The following MYOM3 variants were observed in gnomAD, a reference collection of about 807,000 sequenced individuals.
MYOM3 encodes myomesin-3.
Under a neutral mutation model 191.7 loss-of-function variants are expected in MYOM3, and 155 were observed. The observed-to-expected ratio is 0.81, with a 90% CI of 0.71 to 0.92. The LOEUF (loss-of-function observed/expected upper bound fraction) is 0.92, where lower values mean the gene tolerates loss of function less well. MYOM3 is among the 40% of genes least tolerant of loss of function. The pLI is 0.00. For missense variants in MYOM3, 1,889 were observed against 1,890.6 expected (o/e 1.00, Z 0.02); for synonymous variants, 757 against 762.9 (o/e 0.99, Z 0.13).
At chr1:24,082,228 G>C (rs1368932338) in intron 17 of MYOM3, 40 bp from the exon 18 acceptor site, 1 of 1,534,646 alleles carries the variant, frequency 6.5e-7, no homozygotes, top group African/African-American at 1.4e-5. Context: ...TGCTCCCTAG[G>C]GGTGGCTGGA....
chr1:24,106,971 A>C (rs903078075), intron 4 of MYOM3, 102 bp downstream of exon 4: 4 of 1,206,432 alleles, frequency 3.3e-6, no homozygotes, highest in Non-Finnish European at 4.5e-6. Context: ...CAAAGCCTGG[A>C]CTCTGCCCTG....
chr1:24,092,108 C>G (rs1643846145), intron 11 of MYOM3, 66 bp downstream of exon 11: 4 of 1,362,844 alleles, frequency 2.9e-6, no homozygotes, highest in Non-Finnish European at 3.8e-6. Context: ...CTCCTCTTTG[C>G]TGTGGCTCCC....
chr1:24,068,042 A>C lies in MYOM3; in HGVS notation c.3296-13T>G. On this transcript the variant is annotated splice_polypyrimidine_tract_variant and intron_variant, in intron 26 of 36. Transcript: ENST00000374434. ...AGCTTGTCAAAATCTGTGAACACAG[A>C]GGGAGGAACTGGCATGAGCCGAGAG... 6.2e-7 allele frequency: 1 copy of C among 1,614,076 alleles called. No homozygotes were observed. Among genetic ancestry groups the C allele is most frequent in the Non-Finnish European group, 8.5e-7 (1 of 1,179,954 alleles).
intron 14 of MYOM3, among the ~76,000 whole-genome samples, chr1:24,089,327 C>T (rs747193552): frequency 7.2e-5 from 11 of 152,194 alleles, no homozygotes; most frequent in South Asian, 2.1e-4. Context: ...GCCTCAGGAA[C>T]GACCAGCAGT....
Position 24,097,980 on chromosome 1 carries a change from C to T in MYOM3, c.688G>A (p.Val230Met), listed in dbSNP as rs1466094858. 4 of 1,613,776 alleles carry T rather than the reference C, an allele frequency of 2.5e-6. No homozygotes were observed. Among genetic ancestry groups the T allele is most frequent in the African/African-American group, 2.7e-5 (2 of 74,906 alleles). ...CAIEDSATYT[V>M]RVKNAHGQAS... is the part of the protein sequence containing the mutation. ...TGGCCGTGGGCGTTCTTCACTCGCA[C>T]AGTGTAAGTTGCTGAGTCCTCAATG... is the stretch of plus-strand genomic sequence containing the variant. The change falls in exon 7 of 37, where the codon GTG becomes ATG. Residue 230 changes from valine (V) to methionine (M), a missense_variant. By Grantham distance (21) the Val-to-Met change is conservative. Coordinates refer to ENST00000374434, the MANE Select transcript of MYOM3 (RefSeq NM_152372.4).
At chr1:24,088,086 G>C (rs898084788) in intron 14 of MYOM3, among the ~76,000 whole-genome samples, 2 of 152,150 alleles carry the variant, frequency 1.3e-5, no homozygotes, top group Admixed American at 1.3e-4. Flanking sequence ...GACCCAGAAG[G>C]CAGCCAGAAA....
At chr1:24,106,741 G>A (rs1237697141) in intron 4 of MYOM3, among the ~76,000 whole-genome samples, 2 of 152,016 alleles carry the variant, frequency 1.3e-5, no homozygotes, top group Non-Finnish European at 2.9e-5. Flanking sequence ...GGTAATTTTT[G>A]TATTTTTAGT....
intron 18 of MYOM3, 139 bp from the exon 19 acceptor site, chr1:24,081,595 C>T (rs915960140): frequency 1.8e-5 from 18 of 1,015,418 alleles, no homozygotes; most frequent in Middle Eastern, 3.2e-4. Context: ...CATGGTCTCA[C>T]TTTGTCACCC....
At position 24,093,009 on chromosome 1, in the gene MYOM3, TAG is replaced by T; in HGVS notation, c.1026_1027del (p.Tyr343HisfsTer55). The T allele has an allele frequency of 6.2e-7, 1 of 1,612,934 alleles. No individual in the cohort carries two copies. Among genetic ancestry groups the T allele is most frequent in the Non-Finnish European group, 8.5e-7 (1 of 1,179,760 alleles). On this transcript the variant is annotated frameshift_variant, in exon 10 of 37. Transcript: ENST00000374434. LOFTEE classifies it high-confidence loss of function. ...GAAGGGCGAGGGCACCCGGACCATG[TAG>T]AGCCCCTCGTCCTCCTTGTAGGTGC...
intron 20 of MYOM3, among the ~76,000 whole-genome samples, chr1:24,077,497 C>T (rs368701857): frequency 1.1e-4 from 17 of 152,186 alleles, no homozygotes; most frequent in South Asian, 4.1e-4. Context: ...AATGCCGTCC[C>T]GCCTCCCTCC....
At chr1:24,065,411 T>A (rs1324231341) in intron 29 of MYOM3, among the ~76,000 whole-genome samples, 1 of 152,164 alleles carries the variant, frequency 6.6e-6, no homozygotes, top group Non-Finnish European at 1.5e-5. Flanking sequence ...GGGGGAGAAT[T>A]GAGCTCCAGG....
intron 23 of MYOM3, among the ~76,000 whole-genome samples, chr1:24,073,804 A>AGTGAGCC (rs1643560885): frequency 6.9e-6 from 1 of 145,600 alleles, no homozygotes; most frequent in Admixed American, 7.1e-5. Context: ...CGGAGGTTGC[A>AGTGAGCC]GTGAGCCGAG....
At chr1:24,096,438 G>A (rs1011884543) in intron 7 of MYOM3, among the ~76,000 whole-genome samples, 5 of 152,206 alleles carry the variant, frequency 3.3e-5, no homozygotes, top group Admixed American at 1.3e-4. Context: ...TGGAAGGAGT[G>A]GTGGGAAGGA....
chr1:24,061,576 T>C (rs1349315248), intron 33 of MYOM3, among the ~76,000 whole-genome samples: 2 of 152,136 alleles, frequency 1.3e-5, no homozygotes, highest in South Asian at 4.1e-4. Context: ...GAGTAACCTT[T>C]ATTATTATTC....
At chr1:24,079,399 A>G (rs1557607648) in intron 20 of MYOM3, among the ~76,000 whole-genome samples, 1 of 150,028 alleles carries the variant, frequency 6.7e-6, no homozygotes, top group South Asian at 2.1e-4. Context: ...AAGTTTCTCC[A>G]TGTTTCCCAG....
chr1:24,106,155 A>G, intron 4 of MYOM3, 78 bp from the exon 5 acceptor site: 2 of 1,450,084 alleles, frequency 1.4e-6, no homozygotes, highest in Non-Finnish European at 1.8e-6. Flanking sequence ...CTCCCCACTG[A>G]CACCCAGACT....
chr1:24,057,164 A>C lies in MYOM3; in HGVS notation c.*200T>G, dbSNP rs1047515912. 6 of 602,500 alleles carry C rather than the reference A, an allele frequency of 1.0e-5. No homozygotes were observed. The African/African-American group carries it at 1.1e-4, about 11-fold the overall frequency. The allele number at this position is 602,500 out of a possible 1,614,324, so 37.3% of individuals were successfully genotyped here. A position where few individuals can be genotyped will look rare whatever the true frequency, so the allele number is the denominator to read the frequency against. On this transcript the variant is annotated 3_prime_UTR_variant, in exon 37 of 37. Transcript: ENST00000374434. ...TCCAGGGTTCATCCCGCTCTCCTGG[A>C]AGCCACTCAGGACCCCAGAAAGATC...
At chr1:24,069,595 T>TTTTC (rs149395314) in intron 25 of MYOM3, among the ~76,000 whole-genome samples, 33,515 of 141,674 alleles carry the variant, frequency 0.24, 4,218 homozygotes, top group Admixed American at 0.32. Flanking sequence ...TCCTTTTTTC[T>TTTTC]TTTCTTTCTT....
chr1:24,067,904 G>T (rs1250808057), intron 27 of MYOM3, 66 bp downstream of exon 27: 6 of 1,509,428 alleles, frequency 4.0e-6, no homozygotes, highest in Non-Finnish European at 5.5e-6. Flanking sequence ...CCATTAATCC[G>T]CAGTCCAGCA....
Sources: gnomAD v4.1 joint callset for allele counts (sites outside exome capture counted in the v4.1 genomes callset) on GRCh38, gnomAD v4.1.1 for gene constraint, MANE v1.5 for transcripts, NCBI Gene and HGNC (gene_info 2026-07-23, HGNC 2026-07-21) for gene names.